Variants in DTWD2 observed in about 807,000 individuals in gnomAD.
DTWD2 encodes DTW motif tRNA-uridine aminocarboxypropyltransferase 2.
In DTWD2, 39 loss-of-function variants were observed where a neutral mutation model predicts 31.8. The ratio of observed to expected loss-of-function variants is 1.22; its 90% CI spans 0.95 to 1.60. The LOEUF is 1.60. Ranked by LOEUF, DTWD2 falls within the 40% of genes most tolerant of loss-of-function variation. The probability of loss-of-function intolerance (pLI) is 0.00; values close to 1 mark genes in which losing one functional copy is unlikely to be tolerated. For synonymous variants in DTWD2, 180 were observed against 142.8 expected (o/e 1.26, Z -1.86); for missense variants, 515 against 381.5 (o/e 1.35, Z -2.92).
Position 118,840,699 on chromosome 5 carries a change from A to C in DTWD2, c.*218T>G. The stretch of plus-strand genomic sequence containing the variant: ...AACATGTATTAGAGGCACATTTTTA[A>C]AAACAAGTACAGTAGGAAATCCTGC... On this transcript the variant is annotated 3_prime_UTR_variant, in exon 6 of 6. Transcript: ENST00000510708. 1 of 393,288 alleles carries C rather than the reference A, an allele frequency of 2.5e-6. No homozygotes were observed. The highest frequency in any genetic ancestry group is 4.2e-6 in the Non-Finnish European group (1 of 238,328). 24.4% of individuals were successfully genotyped at this position (393,288 alleles called of 1,614,324 possible).
chr5:118,932,195 A>C (rs949978377), intron 3 of DTWD2, among the ~76,000 whole-genome samples: 2 of 151,882 alleles, frequency 1.3e-5, no homozygotes, highest in African/African-American at 4.8e-5. Flanking sequence ...AACAACAACA[A>C]CAAAAGCTAG....
intron 4 of DTWD2, among the ~76,000 whole-genome samples, chr5:118,903,994 C>A (rs1172922912): frequency 6.6e-6 from 1 of 151,920 alleles, no homozygotes; most frequent in Non-Finnish European, 1.5e-5. Flanking sequence ...AGGACTATAA[C>A]CAACATTTTT....
At chr5:118,890,898 C>G (rs1021677184) in intron 4 of DTWD2, among the ~76,000 whole-genome samples, 1 of 152,006 alleles carries the variant, frequency 6.6e-6, no homozygotes, top group African/African-American at 2.4e-5. Context: ...GTGCCTAGTT[C>G]ATTTGTGTTA....
At chr5:118,916,687 T>C (rs1225047956) in intron 4 of DTWD2, among the ~76,000 whole-genome samples, 2 of 150,934 alleles carry the variant, frequency 1.3e-5, no homozygotes, top group Non-Finnish European at 3.0e-5. Flanking sequence ...AAAAAGACAT[T>C]AAAAGAAAGT....
At chr5:118,907,819 A>G (rs2149569211) in intron 4 of DTWD2, among the ~76,000 whole-genome samples, 1 of 152,194 alleles carries the variant, frequency 6.6e-6, no homozygotes, top group Non-Finnish European at 1.5e-5. Context: ...TCTCTTACTC[A>G]GGGGAGGGTC....
chr5:118,905,826 C>T (rs1282967687), intron 4 of DTWD2, among the ~76,000 whole-genome samples: 1 of 152,036 alleles, frequency 6.6e-6, no homozygotes, highest in Non-Finnish European at 1.5e-5. Flanking sequence ...CTGGTAGATT[C>T]CTTATTTTTT....
chr5:118,901,025 C>T (rs1358954996), intron 4 of DTWD2, among the ~76,000 whole-genome samples: 1 of 151,470 alleles, frequency 6.6e-6, no homozygotes, highest in African/African-American at 2.4e-5. Flanking sequence ...TTATCACTAC[C>T]CAAATATTTA....
At position 118,837,199 on chromosome 5, in the gene DTWD2, G is replaced by C. The variant is rs1751592781; in HGVS notation, c.*3718C>G. On this transcript the variant is annotated 3_prime_UTR_variant, in exon 6 of 6. Coordinates refer to ENST00000510708, the MANE Select transcript of DTWD2 (RefSeq NM_173666.4). Reference sequence around the variant, plus strand: ...GGAGGAAGAAAGTGTGAAGAGAAAAGAGAGAGAATATGCTTTAAGTTAATG... The same window carrying C: ...GGAGGAAGAAAGTGTGAAGAGAAAACAGAGAGAATATGCTTTAAGTTAATG... 6.6e-6 allele frequency: 1 copy of C among 152,124 alleles called. No individual in the cohort carries two copies. The highest frequency in any genetic ancestry group is 6.5e-5 in the Admixed American group (1 of 15,272). 9.4% of individuals were successfully genotyped at this position (152,124 alleles called of 1,614,324 possible). A position where few individuals can be genotyped will look rare whatever the true frequency, so the allele number is the denominator to read the frequency against.
intron 1 of DTWD2, among the ~76,000 whole-genome samples, chr5:118,966,799 G>A (rs568769521): frequency 6.6e-6 from 1 of 152,210 alleles, no homozygotes; most frequent in African/African-American, 2.4e-5. Flanking sequence ...AGAGGCTGAG[G>A]TGTGAGGATC....
intron 4 of DTWD2, among the ~76,000 whole-genome samples, chr5:118,862,472 T>G (rs1331870713): frequency 1.3e-5 from 2 of 152,184 alleles, no homozygotes; most frequent in African/African-American, 4.8e-5. Flanking sequence ...AAGGCAGCTT[T>G]GGTTACTTTA....
At chr5:118,973,686 C>G (rs1330857775) in intron 1 of DTWD2, 2 of 1,305,186 alleles carry the variant, frequency 1.5e-6, no homozygotes, top group South Asian at 2.5e-5. Context: ...GCAGCCGCCT[C>G]CGCCACGCGC....
intron 3 of DTWD2, among the ~76,000 whole-genome samples, chr5:118,936,229 T>A (rs1168021320): frequency 6.6e-6 from 1 of 152,240 alleles, no homozygotes; most frequent in East Asian, 1.9e-4. Context: ...GTGGGATATA[T>A]AAAGCAATGG....
intron 5 of DTWD2, among the ~76,000 whole-genome samples, chr5:118,846,450 C>G: frequency 6.6e-6 from 1 of 152,058 alleles, no homozygotes; most frequent in Admixed American, 6.6e-5. Context: ...TTTCCAGAAC[C>G]CAAAAGGGGA....
intron 4 of DTWD2, among the ~76,000 whole-genome samples, chr5:118,876,315 C>T (rs1395363320): frequency 5.3e-5 from 8 of 152,028 alleles, no homozygotes; most frequent in Non-Finnish European, 7.4e-5. Context: ...CAAGAGCAAA[C>T]AAATTCCAAA....
At chr5:118,960,018 ATAGAC>A (rs1754672275) in intron 1 of DTWD2, among the ~76,000 whole-genome samples, 1 of 152,182 alleles carries the variant, frequency 6.6e-6, no homozygotes, top group Admixed American at 6.5e-5. Context: ...AAACACCACT[ATAGAC>A]TAGGCACTGG....
At position 118,899,950 on chromosome 5, in the gene DTWD2, C is replaced by T. The variant is rs575921775; in HGVS notation, c.597+28587G>A. Among the ~76,000 whole-genome samples the T allele has an allele frequency of 2.6e-5, 4 of 151,980 alleles. No individual in the cohort carries two copies. The South Asian group carries it at 6.3e-4, about 24-fold the overall frequency. On this transcript the variant is annotated intron_variant, in intron 4 of 5. Coordinates refer to ENST00000510708, the MANE Select transcript of DTWD2 (RefSeq NM_173666.4). ...CCAAGTAGCTGGCATTACAGGCGCA[C>T]GTCACCACACCCTGAAATTTTTTAT...
intron 4 of DTWD2, among the ~76,000 whole-genome samples, chr5:118,866,900 G>C (rs1175714844): frequency 2.0e-5 from 3 of 151,570 alleles, no homozygotes; most frequent in African/African-American, 4.9e-5. Context: ...CTGGGTGACA[G>C]AGTGAGACTC....
intron 4 of DTWD2, among the ~76,000 whole-genome samples, chr5:118,850,229 C>T (rs920545944): frequency 2.1e-5 from 3 of 146,244 alleles, no homozygotes; most frequent in Admixed American, 6.9e-5. Context: ...TTTGGGAGGC[C>T]GAGGCTGGCA....
At chr5:118,910,885 G>T (rs919920910) in intron 4 of DTWD2, among the ~76,000 whole-genome samples, 4 of 152,126 alleles carry the variant, frequency 2.6e-5, no homozygotes, top group African/African-American at 9.7e-5. Flanking sequence ...GCTCTCAAAT[G>T]GGGGAAGGCA....
Sources: gnomAD v4.1 joint callset for allele counts (sites outside exome capture counted in the v4.1 genomes callset) on GRCh38, gnomAD v4.1.1 for gene constraint, MANE v1.5 for transcripts, NCBI Gene and HGNC (gene_info 2026-07-23, HGNC 2026-07-21) for gene names.